Variants in DCDC1 observed in about 807,000 individuals in gnomAD.
DCDC1 encodes doublecortin domain containing 1, also known as doublecortin domain-containing protein 1.
DCDC1 carries 200 observed loss-of-function variants against 178.3 expected under a neutral mutation model. The observed-to-expected ratio is 1.12, with a 90% CI of 1.00 to 1.26. The LOEUF is 1.26. Among genes scored for constraint, DCDC1 ranks in the 50% most tolerant of loss-of-function variants. DCDC1 has a pLI of 0.00. For missense variants in DCDC1, 1,983 were observed against 1,749.2 expected, an observed-to-expected ratio of 1.13 and a Z score of -2.38; for synonymous variants, 690 against 604.8, an observed-to-expected ratio of 1.14 and a Z score of -2.07.
chr11:30,883,435 T>C (rs1402698044), intron 36 of DCDC1: 1 of 450,728 alleles, frequency 2.2e-6, no homozygotes, highest in African/African-American at 2.0e-5. Context: ...CTAGAATACA[T>C]TAACCTTAAG....
chr11:30,975,824 G>C (rs1250311971), intron 20 of DCDC1, among the ~76,000 whole-genome samples: 1 of 151,640 alleles, frequency 6.6e-6, no homozygotes, highest in Non-Finnish European at 1.5e-5. Flanking sequence ...CCCTATCAAA[G>C]TGCCAATGTC....
intron 1 of DCDC1, among the ~76,000 whole-genome samples, chr11:31,353,237 T>C (rs1248072838): frequency 2.6e-5 from 4 of 152,240 alleles, no homozygotes; most frequent in Non-Finnish European, 5.9e-5. Flanking sequence ...GAGAACCTAA[T>C]ACTTCGCAAA....
chr11:30,951,250 AAGAT>A (rs1296967149), intron 21 of DCDC1, among the ~76,000 whole-genome samples: 2 of 152,124 alleles, frequency 1.3e-5, no homozygotes, highest in Admixed American at 1.3e-4. Context: ...CCAGAGAAAA[AAGAT>A]AGATACCTAC....
intron 20 of DCDC1, among the ~76,000 whole-genome samples, chr11:31,044,170 G>A (rs1954664069): frequency 1.3e-5 from 2 of 152,108 alleles, no homozygotes; most frequent in Admixed American, 6.5e-5. Context: ...AGAAGGAAAA[G>A]TCACAGAGAT....
rs2134390697 is a variant in DCDC1, at chr11:30,941,477, C to A, written c.2716-9525G>T. Among the ~76,000 whole-genome samples the A allele has an allele frequency of 1.3e-5, 2 of 152,300 alleles. 1 individual carries two copies. The highest frequency in any genetic ancestry group is 6.8e-3 in the Middle Eastern group (2 of 294). The stretch of plus-strand genomic sequence containing the variant: ...CCTCAATGTCCCTTAAACACATCAT[C>A]TCAGTTGTTTACATTTCCTGGCATG... On this transcript the variant is annotated intron_variant, in intron 21 of 38. Coordinates refer to ENST00000684477, the MANE Select transcript of DCDC1 (RefSeq NM_001387274.1).
chr11:30,980,449 T>C (rs73467145), intron 20 of DCDC1, among the ~76,000 whole-genome samples: 130 of 152,288 alleles, frequency 8.5e-4, no homozygotes, highest in African/African-American at 3.1e-3. Flanking sequence ...ATCATGCTAC[T>C]AGTGTACAAC....
At position 31,217,820 on chromosome 11, in the gene DCDC1, T is replaced by C. The variant is rs117518080; in HGVS notation, c.1221+23630A>G. On this transcript the variant is annotated intron_variant, in intron 9 of 38. Transcript: ENST00000684477. Reference sequence around the variant, plus strand: ...CAAAAGTCACTAAAGTAATATCTCTTCATTTTTATAGAATTGTCAGAGAAG... The same window carrying C: ...CAAAAGTCACTAAAGTAATATCTCTCCATTTTTATAGAATTGTCAGAGAAG... Among the ~76,000 whole-genome samples, 56 of 152,288 alleles carry C rather than the reference T, an allele frequency of 3.7e-4. No individual in the cohort carries two copies. The East Asian group carries it at 0.01, about 28-fold the overall frequency.
chr11:31,213,600 A>T (rs528107634), intron 9 of DCDC1, among the ~76,000 whole-genome samples: 1 of 151,940 alleles, frequency 6.6e-6, no homozygotes, highest in South Asian at 2.1e-4. Context: ...GGCACCTGTA[A>T]TCCCAGCTAT....
At chr11:31,044,809 A>C in intron 20 of DCDC1, among the ~76,000 whole-genome samples, 1 of 152,226 alleles carries the variant, frequency 6.6e-6, no homozygotes, top group East Asian at 1.9e-4. Flanking sequence ...CGCTGTGTTT[A>C]AATGGACTGT....
At chr11:31,047,435 AT>A (rs549809594) in intron 20 of DCDC1, among the ~76,000 whole-genome samples, 31 of 152,120 alleles carry the variant, frequency 2.0e-4, no homozygotes, top group Non-Finnish European at 3.4e-4. Flanking sequence ...AAGATTGTAT[AT>A]TTTTTTCTGT....
At position 30,906,590 on chromosome 11, in the gene DCDC1, T is replaced by A. The variant is rs769182335; in HGVS notation, c.4054A>T (p.Thr1352Ser). 4.3e-6 allele frequency: 7 copies of A among 1,613,118 alleles called. No homozygotes were observed. In the Admixed American group the frequency reaches 5.0e-5, roughly 12 times the overall value. Residue 1352 changes from threonine (T) to serine (S), a missense_variant, in exon 30 of 39, where the codon ACT becomes TCT. Coordinates refer to ENST00000684477, the MANE Select transcript of DCDC1 (RefSeq NM_001387274.1). ...VPFLCISGTK[T>S]QKPFLQGPFK... ...GGCCCTTGTAAGAAGGGCTTCTGAG[T>A]CTTGGTGCCTGAAATACAGAGGAAT...
rs1234402130 is a variant in DCDC1 at position 30,892,447 on chromosome 11, TGGGTG to T, written c.5082+366_5082+370del. 1.4e-4 allele frequency among the ~76,000 whole-genome samples: 21 copies of T among 152,234 alleles called. No individual in the cohort carries two copies. In the South Asian group the frequency reaches 4.0e-3, roughly 29 times the overall value. On this transcript the variant is annotated intron_variant, in intron 36 of 38. Transcript: ENST00000684477. Reference sequence around the variant, plus strand: ...GGACACATGCCACTGCACTCCAGCCTGGGTGACAGAGTGAGACTCTGTCTCAAATA... The same window carrying T: ...GGACACATGCCACTGCACTCCAGCCTACAGAGTGAGACTCTGTCTCAAATA...
At chr11:31,028,254 T>A (rs1456801396) in intron 20 of DCDC1, among the ~76,000 whole-genome samples, 1 of 152,028 alleles carries the variant, frequency 6.6e-6, no homozygotes, top group African/African-American at 2.4e-5. Context: ...CATGAGATTG[T>A]TTTTGAATAA....
intron 28 of DCDC1, among the ~76,000 whole-genome samples, 174 bp from the exon 29 acceptor site, chr11:30,909,290 T>C (rs1482904388): frequency 6.6e-6 from 1 of 152,156 alleles, no homozygotes; most frequent in African/African-American, 2.4e-5. Context: ...TATATGTTTA[T>C]AAATACACAT....
At chr11:31,126,916 C>T (rs530419505) in intron 11 of DCDC1, among the ~76,000 whole-genome samples, 17 of 152,296 alleles carry the variant, frequency 1.1e-4, no homozygotes, top group Admixed American at 5.2e-4. Context: ...GGACATTTAG[C>T]GATCTTGTCC....
At chr11:31,049,380 T>G (rs1013967455) in intron 20 of DCDC1, among the ~76,000 whole-genome samples, 1 of 152,188 alleles carries the variant, frequency 6.6e-6, no homozygotes, top group Non-Finnish European at 1.5e-5. Flanking sequence ...GTATACATTT[T>G]TATTTTCAAG....
chr11:31,335,832 C>A (rs1950245260), intron 1 of DCDC1, among the ~76,000 whole-genome samples: 1 of 152,106 alleles, frequency 6.6e-6, no homozygotes, highest in Non-Finnish European at 1.5e-5. Flanking sequence ...TACAAAATCT[C>A]ATCTCTGAAG....
chr11:31,085,475 T>C (rs481589), intron 17 of DCDC1, among the ~76,000 whole-genome samples: 76,830 of 151,962 alleles, frequency 0.51, 19,925 homozygotes, highest in African/African-American at 0.63. Context: ...ATTATATATA[T>C]ATTGAATCAA....
At chr11:31,262,911 G>A in intron 8 of DCDC1, 1 of 739,224 alleles carries the variant, frequency 1.4e-6, no homozygotes, top group South Asian at 2.7e-5. Flanking sequence ...GGTTGCACAG[G>A]CTAATTTCAG....
Sources: allele counts gnomAD v4.1 joint callset (sites outside exome capture counted in the v4.1 genomes callset), GRCh38; gene constraint gnomAD v4.1.1; transcripts MANE v1.5; gene names NCBI Gene and HGNC (gene_info 2026-07-23, HGNC 2026-07-21).